KIAA1217: variants seen among roughly 807,000 people sequenced by gnomAD.
KIAA1217 encodes sickle tail protein homolog.
Under a neutral mutation model 163.9 loss-of-function variants are expected in KIAA1217, and 88 were observed. That is an observed-to-expected ratio of 0.54 (90% CI 0.45 to 0.64). The LOEUF is 0.64. KIAA1217 is among the 30% of genes least tolerant of loss of function. The pLI, the probability that KIAA1217 is intolerant of heterozygous loss-of-function variation, is 0.00. For synonymous variants in KIAA1217, 903 were observed against 923.1 expected (o/e 0.98, Z 0.39); for missense variants, 2,372 against 2,475.0 (o/e 0.96, Z 0.88).
chr10:24,383,328 T>C (rs1400180878), intron 3 of KIAA1217, among the ~76,000 whole-genome samples: 1 of 152,176 alleles, frequency 6.6e-6, no homozygotes, highest in Non-Finnish European at 1.5e-5. Flanking sequence ...GAACTTTGAC[T>C]CTGTCGGATA....
intron 2 of KIAA1217, among the ~76,000 whole-genome samples, chr10:24,052,166 G>A (rs774897402): frequency 1.1e-4 from 17 of 152,154 alleles, no homozygotes; most frequent in South Asian, 6.2e-4. Context: ...TGGTTGTGCC[G>A]ATTCTTTATT....
At chr10:24,334,596 G>A (rs1316350382) in intron 2 of KIAA1217, among the ~76,000 whole-genome samples, 3 of 152,074 alleles carry the variant, frequency 2.0e-5, no homozygotes, top group African/African-American at 7.2e-5. Flanking sequence ...ACATCTAAGT[G>A]CCTTACAGTA....
intron 2 of KIAA1217, among the ~76,000 whole-genome samples, chr10:24,157,510 G>T (rs1233281979): frequency 6.6e-6 from 1 of 152,092 alleles, no homozygotes; most frequent in Admixed American, 6.6e-5. Context: ...AAGTCAATTT[G>T]TTCTTTTATG....
chr10:24,152,726 TA>T (rs34022726), intron 2 of KIAA1217, among the ~76,000 whole-genome samples: 7,992 of 144,646 alleles, frequency 0.055, 370 homozygotes, highest in African/African-American at 0.13. Flanking sequence ...TCTATTCCCT[TA>T]AAAAAAAAAA....
intron 9 of KIAA1217, among the ~76,000 whole-genome samples, chr10:24,507,958 C>G (rs2068581852): frequency 6.6e-6 from 1 of 152,150 alleles, no homozygotes; most frequent in South Asian, 2.1e-4. Flanking sequence ...AGTGGAATGA[C>G]GTCTTTAAAG....
intron 1 of KIAA1217, among the ~76,000 whole-genome samples, chr10:23,939,916 G>A (rs1044283257): frequency 2.0e-5 from 3 of 149,772 alleles, no homozygotes; most frequent in African/African-American, 7.3e-5. Flanking sequence ...AATATTTACT[G>A]TTTAGTAAAT....
chr10:23,977,656 A>G (rs1017035912), intron 1 of KIAA1217, among the ~76,000 whole-genome samples: 1 of 152,222 alleles, frequency 6.6e-6, no homozygotes, highest in Non-Finnish European at 1.5e-5. Context: ...ACAGTGTTAT[A>G]TAAAATGAAA....
chr10:24,388,515 TA>T (rs1206607515), intron 3 of KIAA1217, among the ~76,000 whole-genome samples: 6 of 152,110 alleles, frequency 3.9e-5, no homozygotes, highest in Non-Finnish European at 7.4e-5. Flanking sequence ...ACTTCATGAC[TA>T]AAACACCAAA....
intron 1 of KIAA1217, among the ~76,000 whole-genome samples, chr10:23,840,160 C>CTT (rs58314817): frequency 6.9e-5 from 10 of 145,208 alleles, no homozygotes; most frequent in African/African-American, 2.3e-4. Flanking sequence ...AATTACGCTT[C>CTT]TTTTTTTTTT....
intron 3 of KIAA1217, among the ~76,000 whole-genome samples, chr10:24,396,786 T>C (rs543188678): frequency 6.6e-6 from 1 of 152,314 alleles, no homozygotes; most frequent in East Asian, 1.9e-4. Context: ...AAATATTGGA[T>C]GGCTTTTGCA....
chr10:24,250,286 A>C (rs545895919), intron 2 of KIAA1217, among the ~76,000 whole-genome samples: 79 of 152,258 alleles, frequency 5.2e-4, no homozygotes, highest in Non-Finnish European at 1.0e-3. Flanking sequence ...TAGAGAAAGA[A>C]TACTTGGTGG....
intron 2 of KIAA1217, among the ~76,000 whole-genome samples, chr10:24,249,797 C>G (rs7909788): frequency 0.76 from 115,954 of 152,120 alleles, 44,352 homozygotes; most frequent in Admixed American, 0.81. Flanking sequence ...CTAGACAGTT[C>G]GTTCTTTAGA....
chr10:24,546,016 C>T lies in KIAA1217; in HGVS notation c.5524C>T (p.Pro1842Ser), dbSNP rs2075697742. The T allele has an allele frequency of 3.1e-6, 5 of 1,614,168 alleles. No individual in the cohort carries two copies. The highest frequency in any genetic ancestry group is 4.2e-6 in the Non-Finnish European group (5 of 1,180,012). Residue 1842 changes from proline to serine, a missense_variant, in exon 21 of 21, where the codon CCC becomes TCC. Physicochemically the swap from Pro to Ser is moderately conservative, Grantham distance 74 (BLOSUM62 -1). Around this residue, in one of 3 missense-constraint regions of KIAA1217, gnomAD observed 690 missense variants for 677.5 expected, o/e 1.02. Coordinates refer to ENST00000376454, the MANE Select transcript of KIAA1217 (RefSeq NM_019590.5). ...ATCGATTGCTTCTAACCCTCTCAGC[C>T]CCCAAACAGGACCACCTGCTCACTC... ...KPSIASNPLS[P>S]QTGPPAHSAS... is the part of the protein sequence containing the mutation.
intron 2 of KIAA1217, among the ~76,000 whole-genome samples, chr10:24,291,461 C>T (rs1373423959): frequency 2.0e-5 from 3 of 152,136 alleles, no homozygotes; most frequent in Non-Finnish European, 2.9e-5. Flanking sequence ...ACCTGGGAGG[C>T]GGAGGTTCTA....
intron 4 of KIAA1217, among the ~76,000 whole-genome samples, chr10:24,434,053 T>C (rs2059823501): frequency 9.0e-6 from 1 of 111,592 alleles, no homozygotes; most frequent in African/African-American, 4.2e-5. Flanking sequence ...TTTTTTTTTT[T>C]TATGAGACAG....
intron 1 of KIAA1217, among the ~76,000 whole-genome samples, chr10:23,800,217 T>C (rs1836405133): frequency 6.6e-6 from 1 of 152,186 alleles, no homozygotes; most frequent in Admixed American, 6.5e-5. Context: ...ACTGTATGAA[T>C]TTGTTTCTCT....
At chr10:24,390,017 A>G (rs1480456194) in intron 3 of KIAA1217, among the ~76,000 whole-genome samples, 1 of 152,144 alleles carries the variant, frequency 6.6e-6, no homozygotes, top group African/African-American at 2.4e-5. Flanking sequence ...AGTTTAAGGA[A>G]GCTTCCTCTT....
At chr10:24,204,814 A>C (rs1296742827), upstream of KIAA1217, among the ~76,000 whole-genome samples, 1 of 152,224 alleles carries the variant, frequency 6.6e-6, no homozygotes, top group Non-Finnish European at 1.5e-5. Context: ...ATGTTATCCC[A>C]GTTGTTAAAA....
chr10:24,214,009 A>G (rs1037481431), intron 1 of KIAA1217, among the ~76,000 whole-genome samples: 1 of 151,966 alleles, frequency 6.6e-6, no homozygotes, highest in African/African-American at 2.4e-5. Context: ...TTTTTAAAGT[A>G]GCCATGCATG....
Sources: gnomAD v4.1 joint callset for allele counts (sites outside exome capture counted in the v4.1 genomes callset) on GRCh38, gnomAD v4.1.1 for gene constraint, gnomAD v4.1.1 regional missense constraint, MANE v1.5 for transcripts, NCBI Gene and HGNC (gene_info 2026-07-23, HGNC 2026-07-21) for gene names.